H2BN1: variants seen among roughly 807,000 people sequenced by gnomAD.
H2BN1 encodes histone H2B.N.
At chr17:32,897,319 A>T in the H2BN1 span, among the ~76,000 whole-genome samples, 11 of 117,840 alleles carry the variant, frequency 9.3e-5, no homozygotes, top group Admixed American at 8.2e-4. Context: ...CTCATCCCCC[A>T]TCTCCCCCTT....
At chr17:32,902,442 G>T in the H2BN1 span, among the ~76,000 whole-genome samples, 9 of 152,110 alleles carry the variant, frequency 5.9e-5, no homozygotes, top group African/African-American at 2.2e-4. Context: ...AAACCTTACT[G>T]CCTGTAGACT....
the H2BN1 span, among the ~76,000 whole-genome samples, chr17:32,901,295 CA>C: frequency 3.9e-5 from 6 of 151,908 alleles, no homozygotes; most frequent in South Asian, 8.3e-4. Flanking sequence ...GTTAATGTTT[CA>C]AAAAAACCTT....
chr17:32,897,343 CCT>C, the H2BN1 span, among the ~76,000 whole-genome samples: 4 of 125,580 alleles, frequency 3.2e-5, no homozygotes, highest in Non-Finnish European at 6.7e-5. Flanking sequence ...CCCTCCCTCC[CCT>C]CTCTCTCTGT....
chr17:32,897,712 A>G, the H2BN1 span, among the ~76,000 whole-genome samples: 1 of 152,218 alleles, frequency 6.6e-6, no homozygotes, highest in African/African-American at 2.4e-5. Flanking sequence ...GTTGAGTGTC[A>G]GCATGGTAGG....
chr17:32,901,795 A>G, the H2BN1 span, among the ~76,000 whole-genome samples: 1 of 152,220 alleles, frequency 6.6e-6, no homozygotes. Context: ...AATCTCTTGT[A>G]ATTTATTAAG....
At chr17:32,902,274 G>A in the H2BN1 span, among the ~76,000 whole-genome samples, 4 of 152,104 alleles carry the variant, frequency 2.6e-5, no homozygotes, top group Non-Finnish European at 5.9e-5. Flanking sequence ...ATCATTTAAA[G>A]TTATGGAACC....
chr17:32,899,988 G>A, the H2BN1 span, among the ~76,000 whole-genome samples: 1 of 152,318 alleles, frequency 6.6e-6, no homozygotes, highest in Admixed American at 6.5e-5. Context: ...CTTTATGGTT[G>A]TTTATAAAGC....
the H2BN1 span, among the ~76,000 whole-genome samples, chr17:32,897,124 C>G: frequency 1.3e-5 from 2 of 152,132 alleles, no homozygotes; most frequent in Non-Finnish European, 2.9e-5. Flanking sequence ...TATTGAGTGT[C>G]TAAGTGGTCT....
chr17:32,905,138 G>GA, the H2BN1 span, among the ~76,000 whole-genome samples: 1 of 152,264 alleles, frequency 6.6e-6, no homozygotes, highest in East Asian at 1.9e-4. Context: ...CTTCCCTGCC[G>GA]AGAGTGAGCT....
chr17:32,905,640 CAG>C, the H2BN1 span: 4 of 152,104 alleles, frequency 2.6e-5, no homozygotes, highest in African/African-American at 9.7e-5. Context: ...AGTAGGGGCA[CAG>C]TGTGTTTTTG....
chr17:32,905,228 C>G, the H2BN1 span, among the ~76,000 whole-genome samples: 23 of 152,140 alleles, frequency 1.5e-4, no homozygotes, highest in Non-Finnish European at 2.8e-4. Flanking sequence ...AGCAAGTAAA[C>G]TCCAAAACAA....
the H2BN1 span, among the ~76,000 whole-genome samples, chr17:32,897,281 C>T: frequency 1.3e-5 from 2 of 151,464 alleles, no homozygotes; most frequent in African/African-American, 4.9e-5. Flanking sequence ...AATCTCACCT[C>T]AAGCCTCCCT....
At chr17:32,904,278 C>G in the H2BN1 span, among the ~76,000 whole-genome samples, 1 of 152,176 alleles carries the variant, frequency 6.6e-6, no homozygotes, top group Non-Finnish European at 1.5e-5. Context: ...TAAATGTACA[C>G]AGACAAGCCG....
At chr17:32,898,176 C>T in the H2BN1 span, among the ~76,000 whole-genome samples, 66 of 152,326 alleles carry the variant, frequency 4.3e-4, no homozygotes, top group African/African-American at 1.5e-3. Flanking sequence ...GTGTCCGTGA[C>T]ACAGTCTCAG....
chr17:32,900,466 T>G, the H2BN1 span, among the ~76,000 whole-genome samples: 1 of 152,220 alleles, frequency 6.6e-6, no homozygotes, highest in African/African-American at 2.4e-5. Flanking sequence ...AACAAGTCAT[T>G]CATTTGACCA....
At chr17:32,903,960 G>A in the H2BN1 span, among the ~76,000 whole-genome samples, 1 of 152,192 alleles carries the variant, frequency 6.6e-6, no homozygotes, top group East Asian at 1.9e-4. Context: ...CCACTAAGTT[G>A]TTTCACCCTC....
the H2BN1 span, among the ~76,000 whole-genome samples, chr17:32,898,269 T>C: frequency 1.1e-4 from 16 of 152,148 alleles, no homozygotes; most frequent in Non-Finnish European, 1.9e-4. Flanking sequence ...CATCAATCAA[T>C]ATGTTTAAGA....
chr17:32,903,559 T>C, the H2BN1 span, among the ~76,000 whole-genome samples: 1 of 152,208 alleles, frequency 6.6e-6, no homozygotes, highest in Admixed American at 6.5e-5. Flanking sequence ...AGCCATGAGA[T>C]AAATACAAAT....
chr17:32,902,308 A>G, the H2BN1 span, among the ~76,000 whole-genome samples: 1 of 152,184 alleles, frequency 6.6e-6, no homozygotes, highest in South Asian at 2.1e-4. Flanking sequence ...TATAACTGAG[A>G]CAGTGATCTC....
Sources: allele counts gnomAD v4.1 joint callset (sites outside exome capture counted in the v4.1 genomes callset), GRCh38; gene constraint gnomAD v4.1.1; transcripts MANE v1.5; gene names NCBI Gene and HGNC (gene_info 2026-07-23, HGNC 2026-07-21).